YTHDC2: variants seen among roughly 807,000 people sequenced by gnomAD.
YTHDC2 encodes YTH N6-methyladenosine RNA binding protein C2, also known as 3'-5' RNA helicase YTHDC2.
YTHDC2 carries 45 observed loss-of-function variants against 174.9 expected under a neutral mutation model. The ratio of observed to expected loss-of-function variants is 0.26; its 90% confidence interval spans 0.20 to 0.33. The LOEUF (loss-of-function observed/expected upper bound fraction) is 0.33. Among genes scored for constraint, YTHDC2 ranks in the 10% least tolerant of loss-of-function variants. YTHDC2 has a pLI of 1.00. For synonymous variants in YTHDC2, 657 were observed against 574.5 expected, an observed-to-expected ratio of 1.14 and a Z score of -2.05; for missense variants, 1,650 against 1,723.7, an observed-to-expected ratio of 0.96 and a Z score of 0.76.
At chr5:113,529,966 C>T (rs1774193014) in intron 4 of YTHDC2, among the ~76,000 whole-genome samples, 1 of 151,986 alleles carries the variant, frequency 6.6e-6, no homozygotes, top group Non-Finnish European at 1.5e-5. Context: ...CACTATGTTT[C>T]CCAGGCTGGA....
intron 10 of YTHDC2, among the ~76,000 whole-genome samples, chr5:113,547,785 G>A (rs1394911539): frequency 1.3e-5 from 2 of 152,042 alleles, no homozygotes; most frequent in African/African-American, 4.8e-5. Flanking sequence ...AGATAATTGG[G>A]TATACATACT....
At position 113,552,630 on chromosome 5, in the gene YTHDC2, G is replaced by C. The variant is rs150003249; in HGVS notation, c.1689-551G>C. On this transcript the variant is annotated intron_variant, in intron 12 of 29. Transcript: ENST00000161863. ...ATACTGGTATGAATATTTGTGTACA[G>C]ATTTTTATGTGGATATATTTTTTTC... 1.6e-3 allele frequency among the ~76,000 whole-genome samples: 242 copies of C among 152,190 alleles called. 1 individual carries two copies. The highest frequency in any genetic ancestry group is 5.5e-3 in the African/African-American group (228 of 41,546).
chr5:113,542,382 G>A lies in YTHDC2; in HGVS notation c.1374G>A (p.Val458=). Residue 458 remains valine, a synonymous_variant, in exon 10 of 30, where the codon GTG becomes GTA. Transcript: ENST00000161863. ...GTTTTTTGTAGACTGAAAAAGATGTGAATTGCCTTGAACCATGGTTAATAA... is the reference window on the plus strand; with the variant it reads ...GTTTTTTGTAGACTGAAAAAGATGTAAATTGCCTTGAACCATGGTTAATAA... ...AVFSQLTEKD[V]NCLEPWLIKE... The A allele has an allele frequency of 1.2e-6, 2 of 1,606,476 alleles. No individual in the cohort carries two copies. Among genetic ancestry groups the A allele is most frequent in the Non-Finnish European group, 1.7e-6 (2 of 1,178,192 alleles).
chr5:113,575,732 A>G (rs1253484524), intron 23 of YTHDC2, among the ~76,000 whole-genome samples: 1 of 152,176 alleles, frequency 6.6e-6, no homozygotes, highest in Non-Finnish European at 1.5e-5. Context: ...TAAGTAAAGG[A>G]ATGACATGAC....
chr5:113,567,219 T>G lies in YTHDC2; in HGVS notation c.2970T>G (p.Asn990Lys), dbSNP rs1777395371. 1 of 1,613,572 alleles carries G rather than the reference T, an allele frequency of 6.2e-7. No homozygotes were observed. Among genetic ancestry groups the G allele is most frequent in the East Asian group, 2.2e-5 (1 of 44,858 alleles). The change falls in exon 22 of 30, where the codon AAT becomes AAG. Residue 990 changes from asparagine to lysine, a missense_variant. Coordinates refer to ENST00000161863, the MANE Select transcript of YTHDC2 (RefSeq NM_022828.5). ...ATTTAGTCCACGTGGACAGAGAGAA[T>G]CTAGTGTTGACAGGGCCAAAGGAGA... ...YPNLVHVDRE[N>K]LVLTGPKEKK...
At position 113,534,423 on chromosome 5, in the gene YTHDC2, A is replaced by T. The variant is rs781570791; in HGVS notation, c.945+16A>T. 24 of 1,601,736 alleles carry T rather than the reference A, an allele frequency of 1.5e-5. No individual in the cohort carries two copies. Among genetic ancestry groups the T allele is most frequent in the Non-Finnish European group, 2.1e-5 (24 of 1,169,848 alleles). On this transcript the variant is annotated intron_variant, in intron 6 of 29. Coordinates refer to ENST00000161863, the MANE Select transcript of YTHDC2 (RefSeq NM_022828.5). ...TGTTATCGTGGTAAGAATATTGCTG[A>T]ATTTGTCATATGTAACTCAGATTGC... is the stretch of plus-strand genomic sequence containing the variant.
intron 2 of YTHDC2, among the ~76,000 whole-genome samples, chr5:113,523,588 C>A (rs1230618334): frequency 6.6e-6 from 1 of 152,062 alleles, no homozygotes; most frequent in Non-Finnish European, 1.5e-5. Context: ...AATTTTATTT[C>A]ATCTTTATAG....
chr5:113,518,133 C>T (rs1036040364), intron 2 of YTHDC2, among the ~76,000 whole-genome samples: 12 of 151,632 alleles, frequency 7.9e-5, no homozygotes, highest in Non-Finnish European at 1.5e-4. Flanking sequence ...CGTGATCTGC[C>T]CGCCTTGGCC....
intron 12 of YTHDC2, among the ~76,000 whole-genome samples, chr5:113,550,910 A>G (rs2112661609): frequency 6.6e-6 from 1 of 152,198 alleles, no homozygotes; most frequent in Admixed American, 6.5e-5. Context: ...AGATATTTAA[A>G]GAAAATTTTG....
At chr5:113,515,401 T>C in intron 2 of YTHDC2, 39 bp downstream of exon 2, 5 of 1,535,832 alleles carry the variant, frequency 3.3e-6, no homozygotes, top group Admixed American at 1.9e-5. Flanking sequence ...TAAAAAAGAT[T>C]ATTTGCCCAA....
intron 7 of YTHDC2, among the ~76,000 whole-genome samples, chr5:113,536,834 T>G (rs1775114043): frequency 6.6e-6 from 1 of 150,552 alleles, no homozygotes; most frequent in African/African-American, 2.5e-5. Flanking sequence ...ATATACACAT[T>G]TATAACGTTT....
chr5:113,533,561 A>C (rs1331151242), intron 5 of YTHDC2, among the ~76,000 whole-genome samples: 1 of 151,920 alleles, frequency 6.6e-6, no homozygotes, highest in African/African-American at 2.4e-5. Context: ...AAAAAAAAAA[A>C]ATTCCGTTTC....
chr5:113,576,994 C>CA (rs1778095082), intron 23 of YTHDC2, among the ~76,000 whole-genome samples: 1 of 151,882 alleles, frequency 6.6e-6, no homozygotes, highest in Non-Finnish European at 1.5e-5. Context: ...TTTTTATAAC[C>CA]ATGTTGAGTT....
intron 3 of YTHDC2, among the ~76,000 whole-genome samples, chr5:113,525,799 A>G (rs1170942806): frequency 6.6e-6 from 1 of 152,136 alleles, no homozygotes; most frequent in African/African-American, 2.4e-5. Flanking sequence ...AAAACTATTT[A>G]TTGCCTATAG....
chr5:113,589,025 TAGTC>T (rs562737210), intron 26 of YTHDC2, among the ~76,000 whole-genome samples: 15 of 152,188 alleles, frequency 9.9e-5, no homozygotes, highest in East Asian at 3.8e-4. Context: ...TTACTTTACA[TAGTC>T]AGTTACCTTT....
intron 4 of YTHDC2, among the ~76,000 whole-genome samples, chr5:113,527,939 C>T (rs574383413): frequency 2.0e-3 from 302 of 152,076 alleles, no homozygotes; most frequent in Non-Finnish European, 3.6e-3. Flanking sequence ...TACAGGCACC[C>T]GCCACCACGC....
rs1776585073 is a variant in YTHDC2 at position 113,556,063 on chromosome 5, T to C, written c.2145T>C (p.Asp715=). The C allele has an allele frequency of 6.3e-7, 1 of 1,599,646 alleles. No homozygotes were observed. Among genetic ancestry groups the C allele is most frequent in the Non-Finnish European group, 8.6e-7 (1 of 1,168,288 alleles). ...DSGKVKEKSF[D]ALNFVTMLKM... Reference sequence around the variant, plus strand: ...TTTAAATATTACAGAAATCCTTTGATGCTCTGAATTTTGTTACAATGTTAA... The same window carrying C: ...TTTAAATATTACAGAAATCCTTTGACGCTCTGAATTTTGTTACAATGTTAA... The change falls in exon 17 of 30, where the codon GAT becomes GAC. Residue 715 remains aspartate (D), a synonymous_variant. Transcript: ENST00000161863.
At chr5:113,534,054 A>G (rs774288031) in intron 5 of YTHDC2, among the ~76,000 whole-genome samples, 1 of 152,208 alleles carries the variant, frequency 6.6e-6, no homozygotes, top group Non-Finnish European at 1.5e-5. Context: ...AGCAAAAAGT[A>G]TTTAAGGTTT....
In YTHDC2 at chr5:113,545,991, C is replaced by T. The variant is rs1374662188; in HGVS notation, c.1496-2550C>T. Among the ~76,000 whole-genome samples, 8 of 50,344 alleles carry T rather than the reference C, an allele frequency of 1.6e-4. 1 individual carries two copies. Among genetic ancestry groups the T allele is most frequent in the Admixed American group, 1.2e-3 (5 of 4,276 alleles). The allele number at this position is 50,344 out of a possible 152,430, so 33.0% of individuals were successfully genotyped here. On this transcript the variant is annotated intron_variant, in intron 10 of 29. Transcript: ENST00000161863. ...TCCTGACCTCGTGATCCGCCCGCCTCGGCCTCCCAAAGTGCTGGGATTACA... is the reference window on the plus strand; with the variant it reads ...TCCTGACCTCGTGATCCGCCCGCCTTGGCCTCCCAAAGTGCTGGGATTACA...
Sources: allele counts gnomAD v4.1 joint callset (sites outside exome capture counted in the v4.1 genomes callset), GRCh38; gene constraint gnomAD v4.1.1; transcripts MANE v1.5; gene names NCBI Gene and HGNC (gene_info 2026-07-23, HGNC 2026-07-21).